QRICH2: variants seen among roughly 807,000 people sequenced by gnomAD.
QRICH2 encodes glutamine rich 2, also known as glutamine-rich protein 2.
QRICH2 carries 119 observed loss-of-function variants against 168.3 expected under a neutral mutation model. That is an observed-to-expected ratio of 0.71 (90% CI 0.61 to 0.82). The LOEUF is 0.82. QRICH2 is among the 40% of genes least tolerant of loss of function. QRICH2 has a pLI of 0.00. For synonymous variants in QRICH2, 894 were observed against 951.2 expected, an observed-to-expected ratio of 0.94 and a Z score of 1.11; for missense variants, 2,241 against 2,491.6, an observed-to-expected ratio of 0.90 and a Z score of 2.14.
At chr17:76,285,934 A>G (rs1193695655) in intron 7 of QRICH2, among the ~76,000 whole-genome samples, 3 of 152,280 alleles carry the variant, frequency 2.0e-5, no homozygotes, top group South Asian at 2.1e-4. Context: ...GCACTTTGGG[A>G]GGCCAAGGCG....
intron 5 of QRICH2, among the ~76,000 whole-genome samples, chr17:76,288,440 C>A (rs1349193439): frequency 2.9e-5 from 4 of 137,548 alleles, no homozygotes; most frequent in Admixed American, 7.5e-5. Flanking sequence ...CGTGGTGGAT[C>A]ACACCTGTAA....
chr17:76,275,674 G>T, intron 18 of QRICH2, 145 bp downstream of exon 18: 1 of 1,001,512 alleles, frequency 1.0e-6, no homozygotes, highest in Non-Finnish European at 1.4e-6. Context: ...AGTCACTCGG[G>T]GTTCCTCTTT....
Position 76,304,868 on chromosome 17 carries a change from C to G in QRICH2, c.594+14G>C. On this transcript the variant is annotated intron_variant, in intron 2 of 18. Coordinates refer to ENST00000680821, the MANE Select transcript of QRICH2 (RefSeq NM_001388453.1). ...CCCTGGAGAGCCCTTTCCCATGGAA[C>G]TGGCTGGTATTACCAGGAATTGCTC... The G allele has an allele frequency of 6.3e-7, 1 of 1,595,476 alleles. No homozygotes were observed. Among genetic ancestry groups the G allele is most frequent in the African/African-American group, 1.3e-5 (1 of 74,626 alleles).
rs373813959 is a variant in QRICH2, at chr17:76,280,269, G to A, written c.4626+18C>T. On this transcript the variant is annotated intron_variant, in intron 11 of 18. Coordinates refer to ENST00000680821, the MANE Select transcript of QRICH2 (RefSeq NM_001388453.1). This position sits in a 1 kb window ranked among gnomAD's most constrained non-coding sequence, Gnocchi z 7.4. ...GCAAGGCTGTGGGATGGAGAGCCCC[G>A]CCATGCCCCTGCCTCACCTTGTTGT... is the stretch of plus-strand genomic sequence containing the variant. 4.9e-5 allele frequency: 79 copies of A among 1,613,114 alleles called. No homozygotes were observed. In the South Asian group the frequency reaches 6.2e-4, roughly 13 times the overall value.
upstream of QRICH2, chr17:76,309,907 G>A (rs2071051532): frequency 1.3e-5 from 2 of 152,036 alleles, no homozygotes; most frequent in African/African-American, 4.8e-5. Flanking sequence ...TTAATTGAAG[G>A]ATTTTCGATC....
At chr17:76,275,008 C>T (rs982076103) in intron 18 of QRICH2, among the ~76,000 whole-genome samples, 1 of 152,162 alleles carries the variant, frequency 6.6e-6, no homozygotes. Context: ...GTTGTGATTT[C>T]CTCCTCCCTC....
chr17:76,303,606 C>T (rs990966151), intron 3 of QRICH2, among the ~76,000 whole-genome samples: 2 of 151,630 alleles, frequency 1.3e-5, no homozygotes, highest in Admixed American at 1.3e-4. Flanking sequence ...CGCGGTGGCT[C>T]ACGCCTGTAA....
chr17:76,282,658 C>G (rs2070811256), intron 7 of QRICH2, among the ~76,000 whole-genome samples: 2 of 152,214 alleles, frequency 1.3e-5, no homozygotes, highest in South Asian at 4.1e-4. Flanking sequence ...CAAACCCCTT[C>G]CAGGGCAAGT....
At chr17:76,287,043 AACACACACACACACACACAC>A (rs56258903) in intron 7 of QRICH2, 129 bp downstream of exon 7, 5 of 203,180 alleles carry the variant, frequency 2.5e-5, no homozygotes, top group Non-Finnish European at 3.7e-5. Flanking sequence ...CACACCACAT[AACACACACACACACACACAC>A]ACACACACAC....
chr17:76,277,998 CA>C lies in QRICH2; in HGVS notation c.5107del (p.Cys1703AlafsTer5), dbSNP rs1400535012. On this transcript the variant is annotated frameshift_variant, in exon 15 of 19. Coordinates refer to ENST00000680821, the MANE Select transcript of QRICH2 (RefSeq NM_001388453.1). LOFTEE classifies it high-confidence loss of function. ...CCCGCCTCTCCTGTACCGTTTGTAG[CA>C]GGGGGAGCCCAGGCACTGGGCGTGC... ...LLHAQCLGSP[C>X]YKRVTDMADY... 1 of 1,611,852 alleles carries C rather than the reference CA, an allele frequency of 6.2e-7. No homozygotes were observed. The highest frequency in any genetic ancestry group is 8.5e-7 in the Non-Finnish European group (1 of 1,180,026).
rs2070977238 is a variant in QRICH2, at chr17:76,291,041, T to C, written c.3686A>G (p.Lys1229Arg). 6.2e-7 allele frequency: 1 copy of C among 1,613,484 alleles called. No homozygotes were observed. Among genetic ancestry groups the C allele is most frequent in the African/African-American group, 1.3e-5 (1 of 75,046 alleles). The change falls in exon 4 of 19, where the codon AAG (lysine) becomes AGG (arginine). Residue 1229 changes from lysine to arginine, a missense_variant. Physicochemically the swap from Lys to Arg is conservative, Grantham distance 26 (BLOSUM62 2). This residue lies in a region of QRICH2 where 2,047 missense variants were observed against 2,303.8 expected (regional missense o/e 0.89). Transcript: ENST00000680821. ...EEQAGQTDLE[K>R]IQFLLAQMVK... ...CATCTGTGCCAGCAGGAACTGGATC[T>C]TCTCCAAGTCGGTTTGGCCGGCCTG...
intron 3 of QRICH2, among the ~76,000 whole-genome samples, chr17:76,303,786 T>C (rs913292897): frequency 2.8e-5 from 4 of 143,522 alleles, no homozygotes; most frequent in Admixed American, 7.4e-5. Flanking sequence ...GACAGGAGAA[T>C]GGCGTGAACC....
At position 76,289,998 on chromosome 17, in the gene QRICH2, T is replaced by C. The variant is rs781729298; in HGVS notation, c.3792A>G (p.Lys1264=). 1.2e-6 allele frequency: 2 copies of C among 1,607,786 alleles called. No individual in the cohort carries two copies. The highest frequency in any genetic ancestry group is 3.3e-5 in the Admixed American group (2 of 59,868). Residue 1264 remains lysine, a synonymous_variant, in exon 5 of 19, where the codon AAA becomes AAG. Transcript: ENST00000680821. Reference sequence around the variant, plus strand: ...TGGGTTGACTCTTCCTTACTTTTGCTTTCTCCTGCCAAACTTCTTTGGCTA... The same window carrying C: ...TGGGTTGACTCTTCCTTACTTTTGCCTTCTCCTGCCAAACTTCTTTGGCTA... The part of the protein sequence containing the change: ...KTLAKEVWQE[K]AKVERLQRIL...
At chr17:76,297,872 T>TG (rs1489120135) in intron 3 of QRICH2, among the ~76,000 whole-genome samples, 106 of 58,238 alleles carry the variant, frequency 1.8e-3, no homozygotes, top group Non-Finnish European at 2.3e-3. Flanking sequence ...AGGAATCTGT[T>TG]TTTTTTTTTT....
chr17:76,294,439 G>T (rs2070758106), intron 3 of QRICH2, among the ~76,000 whole-genome samples: 1 of 151,798 alleles, frequency 6.6e-6, no homozygotes, highest in Non-Finnish European at 1.5e-5. Flanking sequence ...AAAAGGAAAA[G>T]AAACACACTG....
rs576345489 is a variant in QRICH2, at chr17:76,307,494, C to T, written c.505G>A (p.Asp169Asn). 6.2e-7 allele frequency: 1 copy of T among 1,613,838 alleles called. No homozygotes were observed. Among genetic ancestry groups the T allele is most frequent in the Admixed American group, 1.7e-5 (1 of 60,018 alleles). The change falls in exon 1 of 19, where the codon GAC (aspartate) becomes AAC (asparagine). Residue 169 changes from aspartate to asparagine, a missense_variant. Around this residue, in one of 3 missense-constraint regions of QRICH2, gnomAD observed 2,047 missense variants for 2,303.8 expected, o/e 0.89. Transcript: ENST00000680821. This position sits in a 1 kb window ranked among gnomAD's most constrained non-coding sequence, Gnocchi z 5.3. ...GCAAAGCTGAGCTCCTCGGCGGCGT[C>T]CTTCATGATACTCCCAGTCCGCACC... is the stretch of plus-strand genomic sequence containing the variant. ...DRVRTGSIMK[D>N]AAEELSFARV...
intron 3 of QRICH2, among the ~76,000 whole-genome samples, chr17:76,294,959 C>T (rs561186503): frequency 1.9e-4 from 29 of 151,814 alleles, no homozygotes; most frequent in South Asian, 1.5e-3. Flanking sequence ...GGGTCTGGCA[C>T]GGTGGCTCAT....
intron 3 of QRICH2, among the ~76,000 whole-genome samples, chr17:76,296,777 C>CA (rs758967969): frequency 0.24 from 22,127 of 90,398 alleles, 2,386 homozygotes; most frequent in East Asian, 0.39. Flanking sequence ...GGCTCTGTCT[C>CA]AAAAAAAAAA....
intron 15 of QRICH2, 126 bp from the exon 16 acceptor site, chr17:76,277,436 G>A (rs1307912385): frequency 1.7e-6 from 2 of 1,148,750 alleles, no homozygotes; most frequent in South Asian, 1.4e-5. Flanking sequence ...CCGGGAGGCT[G>A]AGCAGCAGGG....
Sources: allele counts gnomAD v4.1 joint callset (sites outside exome capture counted in the v4.1 genomes callset), GRCh38; gene constraint gnomAD v4.1.1; regional missense constraint gnomAD v4.1.1; non-coding constraint Gnocchi (gnomAD v3.1); transcripts MANE v1.5; gene names NCBI Gene and HGNC (gene_info 2026-07-23, HGNC 2026-07-21).